Variants in MICAL2 observed in about 807,000 individuals in gnomAD.
MICAL2 encodes the protein microtubule associated monooxygenase, calponin and LIM domain containing 2.
MICAL2 carries 77 observed loss-of-function variants against 127.3 expected under a neutral mutation model. The ratio of observed to expected loss-of-function variants is 0.60; its 90% confidence interval spans 0.50 to 0.73. MICAL2 has a LOEUF of 0.73. Among genes scored for constraint, MICAL2 ranks in the 30% least tolerant of loss-of-function variants. The pLI is 0.00. For missense variants in MICAL2, 1,351 were observed against 1,434.4 expected (o/e 0.94, Z 0.94); for synonymous variants, 570 against 551.1 (o/e 1.03, Z -0.48).
At chr11:12,160,119 A>G (rs181124716) in intron 2 of MICAL2, among the ~76,000 whole-genome samples, 1 of 152,314 alleles carries the variant, frequency 6.6e-6, no homozygotes, top group African/African-American at 2.4e-5. Flanking sequence ...TCTCCGGGAA[A>G]GAGGGAAGGT....
chr11:12,146,087 T>C (rs1252740836), intron 2 of MICAL2, among the ~76,000 whole-genome samples: 2 of 152,180 alleles, frequency 1.3e-5, no homozygotes, highest in African/African-American at 4.8e-5. Context: ...AAGGCTTTAA[T>C]GTTAGACCTA....
intron 11 of MICAL2, 120 bp downstream of exon 11, chr11:12,222,863 CTGGCCTAATGG>C (rs55809445): frequency 0.014 from 17,956 of 1,299,026 alleles, 154 homozygotes; most frequent in Non-Finnish European, 0.017. Context: ...CCAAGGCCTG[CTGGCCTAATGG>C]TGGGACCAGT....
At chr11:12,135,088 C>T (rs1206425124) in intron 1 of MICAL2, among the ~76,000 whole-genome samples, 1 of 152,140 alleles carries the variant, frequency 6.6e-6, no homozygotes, top group African/African-American at 2.4e-5. Context: ...ATGTGCACAC[C>T]CCATGTACCA....
At chr11:12,240,083 C>G (rs1487949775) in intron 17 of MICAL2, among the ~76,000 whole-genome samples, 2 of 152,234 alleles carry the variant, frequency 1.3e-5, no homozygotes, top group Non-Finnish European at 2.9e-5. Context: ...CCATCCTAAC[C>G]AGAGGAACTG....
At chr11:12,323,891 G>T in intron 30 of MICAL2, 2 of 1,403,896 alleles carry the variant, frequency 1.4e-6, no homozygotes, top group Non-Finnish European at 1.9e-6. Context: ...ATCATTAGTT[G>T]GAGAGGGTAG....
intron 14 of MICAL2, 73 bp downstream of exon 14, chr11:12,226,443 C>T (rs1249544267): frequency 6.7e-7 from 1 of 1,481,644 alleles, no homozygotes; most frequent in Non-Finnish European, 9.3e-7. Context: ...CTGGCTGCTC[C>T]TAACACTGTA....
At chr11:12,311,791 C>A (rs1864177391) in intron 29 of MICAL2, among the ~76,000 whole-genome samples, 2 of 152,184 alleles carry the variant, frequency 1.3e-5, no homozygotes, top group Admixed American at 6.5e-5. Context: ...TTTTTCTGTT[C>A]TCTGGAAGAG....
chr11:12,319,723 A>G (rs1360674543), exon 30 of MICAL2: 2 of 1,614,002 alleles, frequency 1.2e-6, no homozygotes, highest in South Asian at 1.1e-5. Context: ...CTCAGAGCAC[A>G]GGTAACAGAG....
At position 12,187,299 on chromosome 11, in the gene MICAL2, C is replaced by T. The variant is rs192663194; in HGVS notation, c.265-16951C>T. 3.9e-5 allele frequency among the ~76,000 whole-genome samples: 6 copies of T among 152,338 alleles called. No homozygotes were observed. The East Asian group carries it at 9.6e-4, about 24-fold the overall frequency. ...TGGTTTCATAGTCAAGGGAGAACAT[C>T]TCTAAGATTGCTTTATTTGTGAATT... On this transcript the variant is annotated intron_variant, in intron 3 of 27. Coordinates refer to ENST00000683283, the MANE Select transcript of MICAL2 (RefSeq NM_001282663.2).
chr11:12,140,228 T>C (rs1436486712), intron 2 of MICAL2, among the ~76,000 whole-genome samples: 1 of 152,240 alleles, frequency 6.6e-6, no homozygotes, highest in East Asian at 1.9e-4. Flanking sequence ...TCATATTTCT[T>C]TGCACTTTAT....
At chr11:12,244,506 G>A (rs377235779) in intron 21 of MICAL2, among the ~76,000 whole-genome samples, 55 of 152,290 alleles carry the variant, frequency 3.6e-4, no homozygotes, top group Admixed American at 3.1e-3. Flanking sequence ...GCTGATATTT[G>A]CCTGTTTTGT....
intron 29 of MICAL2, among the ~76,000 whole-genome samples, chr11:12,319,144 ATTT>A (rs57177025): frequency 2.7e-5 from 4 of 150,824 alleles, no homozygotes; most frequent in Admixed American, 6.6e-5. Flanking sequence ...TACATTTGGG[ATTT>A]TTTTTTTCTA....
At chr11:12,244,560 TATTC>T (rs1257394520) in intron 21 of MICAL2, among the ~76,000 whole-genome samples, 3 of 152,320 alleles carry the variant, frequency 2.0e-5, no homozygotes, top group African/African-American at 4.8e-5. Flanking sequence ...AACGTAACAC[TATTC>T]ATTCATTCTA....
rs368597234 is a variant in MICAL2, at chr11:12,180,351, T to A, written c.264+17932T>A. On this transcript the variant is annotated intron_variant, in intron 3 of 27. Coordinates refer to ENST00000683283, the MANE Select transcript of MICAL2 (RefSeq NM_001282663.2). ...TATATACATGTATATATGTATATATTTTTTTTTTGGCAGGAAGGTTTCCCA... is the reference window on the plus strand; with the variant it reads ...TATATACATGTATATATGTATATATATTTTTTTTGGCAGGAAGGTTTCCCA... Among the ~76,000 whole-genome samples, 329 of 92,688 alleles carry A rather than the reference T, an allele frequency of 3.5e-3. 5 individuals carry two copies. The highest frequency in any genetic ancestry group is 0.012 in the Admixed American group (109 of 9,034). 60.8% of individuals were successfully genotyped at this position (92,688 alleles called of 152,430 possible).
At chr11:12,306,088 ATAC>A (rs1207467186) in intron 29 of MICAL2, among the ~76,000 whole-genome samples, 1 of 152,198 alleles carries the variant, frequency 6.6e-6, no homozygotes, top group Non-Finnish European at 1.5e-5. Context: ...CAAAAGAAAA[ATAC>A]TCGTAAGTAT....
chr11:12,358,567 T>C (rs1939164417), downstream of MICAL2: 1 of 1,295,754 alleles, frequency 7.7e-7, no homozygotes, highest in Non-Finnish European at 1.0e-6. Context: ...TTCTGCAGGA[T>C]TTATCATCCC....
chr11:12,201,472 T>C (rs1378494692), intron 3 of MICAL2, among the ~76,000 whole-genome samples: 1 of 151,336 alleles, frequency 6.6e-6, no homozygotes, highest in Admixed American at 6.6e-5. Flanking sequence ...TGTCAAGCAG[T>C]GAGGAGTGGG....
intron 22 of MICAL2, chr11:12,250,289 A>T (rs1314381145): frequency 6.6e-6 from 1 of 152,242 alleles, no homozygotes; most frequent in African/African-American, 2.4e-5. Flanking sequence ...TAGTAGGTGT[A>T]TATATGCATG....
intron 33 of MICAL2, among the ~76,000 whole-genome samples, chr11:12,350,588 A>G (rs1176283718): frequency 6.6e-6 from 1 of 152,158 alleles, no homozygotes; most frequent in Non-Finnish European, 1.5e-5. Flanking sequence ...AAGTAATTTT[A>G]AGGGCTTTTG....
Sources: gnomAD v4.1 joint callset for allele counts (sites outside exome capture counted in the v4.1 genomes callset) on GRCh38, gnomAD v4.1.1 for gene constraint, MANE v1.5 for transcripts, NCBI Gene and HGNC (gene_info 2026-07-23, HGNC 2026-07-21) for gene names.